CFAP44: variants seen among roughly 807,000 people sequenced by gnomAD.
CFAP44 encodes cilia and flagella associated protein 44, also known as cilia- and flagella-associated protein 44.
In CFAP44, 134 loss-of-function variants were observed where a neutral mutation model predicts 216.2. The observed-to-expected ratio is 0.62, with a 90% CI of 0.54 to 0.72. CFAP44 has a LOEUF of 0.72. Ranked by LOEUF, CFAP44 falls within the 30% of genes least tolerant of loss-of-function variation. CFAP44 has a pLI of 0.00. For missense variants in CFAP44, 2,035 were observed against 2,182.1 expected, an observed-to-expected ratio of 0.93 and a Z score of 1.34; for synonymous variants, 700 against 727.6, an observed-to-expected ratio of 0.96 and a Z score of 0.61.
intron 27 of CFAP44, 98 bp from the exon 28 acceptor site, chr3:113,326,738 T>C: frequency 4.4e-6 from 3 of 680,780 alleles, no homozygotes; most frequent in Non-Finnish European, 6.4e-6. Context: ...TTTACAAATA[T>C]ATTTTTTAAA....
chr3:113,400,740 T>C (rs749686721), intron 11 of CFAP44, 96 bp from the exon 12 acceptor site: 41 of 1,095,722 alleles, frequency 3.7e-5, no homozygotes, highest in Non-Finnish European at 5.1e-5. Flanking sequence ...ATATAACACA[T>C]GTGATTTTAT....
intron 24 of CFAP44, among the ~76,000 whole-genome samples, chr3:113,337,530 C>T (rs1299032622): frequency 6.6e-6 from 1 of 152,106 alleles, no homozygotes; most frequent in Non-Finnish European, 1.5e-5. Flanking sequence ...AGAGGAATCA[C>T]TCTACTGGAT....
intron 30 of CFAP44, among the ~76,000 whole-genome samples, 155 bp downstream of exon 30, chr3:113,306,046 C>A (rs554309842): frequency 6.6e-6 from 1 of 152,074 alleles, no homozygotes; most frequent in East Asian, 1.9e-4. Flanking sequence ...CAATGTCCCC[C>A]ACCACAATTT....
At position 113,366,201 on chromosome 3, in the gene CFAP44, G is replaced by T; in HGVS notation, c.2553C>A (p.Phe851Leu). Residue 851 changes from phenylalanine (F) to leucine (L), a missense_variant, in exon 19 of 35, where the codon TTC becomes TTA. By Grantham distance (22) the Phe-to-Leu change is conservative. Coordinates refer to ENST00000393845, the MANE Select transcript of CFAP44 (RefSeq NM_001164496.2). Reference sequence around the variant, plus strand: ...ATCCATAATTATTGTCATGCATATTGAAGTGCCAGTAGTCCACCAAACTGG... The same window carrying T: ...ATCCATAATTATTGTCATGCATATTTAAGTGCCAGTAGTCCACCAAACTGG... ...SLTSLVDYWHFNMHDNNYGCI... is the reference protein window; with the variant it reads ...SLTSLVDYWHLNMHDNNYGCI... The T allele has an allele frequency of 6.2e-7, 1 of 1,613,984 alleles. No individual in the cohort carries two copies. Among genetic ancestry groups the T allele is most frequent in the Non-Finnish European group, 8.5e-7 (1 of 1,179,966 alleles).
chr3:113,429,303 T>C (rs1935041806), intron 2 of CFAP44, among the ~76,000 whole-genome samples: 1 of 152,174 alleles, frequency 6.6e-6, no homozygotes, highest in African/African-American at 2.4e-5. Context: ...ACTAGGTGAA[T>C]ACACATTTAT....
chr3:113,304,042 G>C lies in CFAP44; in HGVS notation c.4951C>G (p.Arg1651Gly), dbSNP rs185086524. Residue 1651 changes from arginine (R) to glycine (G), a missense_variant, in exon 32 of 35, where the codon CGG becomes GGG. Physicochemically the swap from Arg to Gly is moderately radical, Grantham distance 125. Around this residue, in one of 3 missense-constraint regions of CFAP44, gnomAD observed 1,883 missense variants for 2,023.7 expected, o/e 0.93. Coordinates refer to ENST00000393845, the MANE Select transcript of CFAP44 (RefSeq NM_001164496.2). ...AGCTCATGGATTCGTTCTTGCAGCC[G>C]TCTCAAGGCATGGTTAGAGAAGACC... ...TLVFSNHALR[R>G]LQERIHELQE... 6.5e-7 allele frequency: 1 copy of C among 1,537,214 alleles called. No homozygotes were observed. The highest frequency in any genetic ancestry group is 2.0e-5 in the Admixed American group (1 of 50,986).
At position 113,400,417 on chromosome 3, in the gene CFAP44, G is replaced by A. The variant is rs558515606; in HGVS notation, c.1474+128C>T. The A allele has an allele frequency of 2.7e-5, 19 of 701,234 alleles. No homozygotes were observed. The African/African-American group carries it at 2.7e-4, about 10-fold the overall frequency. The allele number at this position is 701,234 out of a possible 1,614,324, so 43.4% of individuals were successfully genotyped here. ...GCCTCTCCTCTCCACAGCTCAACTC[G>A]CTTGCATTCAAGAGGCTCCCCTTTT... On this transcript the variant is annotated intron_variant, in intron 12 of 34. Transcript: ENST00000393845.
chr3:113,347,022 G>A (rs1214510463), intron 22 of CFAP44, among the ~76,000 whole-genome samples: 4 of 152,268 alleles, frequency 2.6e-5, no homozygotes, highest in South Asian at 4.1e-4. Context: ...ACACATCTTG[G>A]CGACCCAGAT....
At chr3:113,320,869 TG>T (rs1950140447) in intron 28 of CFAP44, among the ~76,000 whole-genome samples, 1 of 152,068 alleles carries the variant, frequency 6.6e-6, no homozygotes, top group African/African-American at 2.4e-5. Context: ...AGATTAAGGG[TG>T]GGTCTACCTT....
intron 13 of CFAP44, among the ~76,000 whole-genome samples, chr3:113,399,261 A>G (rs756791001): frequency 1.3e-5 from 2 of 152,196 alleles, no homozygotes; most frequent in Admixed American, 1.3e-4. Context: ...TGAAGCAGAG[A>G]CAATCCATCT....
At chr3:113,345,077 CTATATAT>C (rs1360702107) in intron 22 of CFAP44, among the ~76,000 whole-genome samples, 2 of 147,358 alleles carry the variant, frequency 1.4e-5, no homozygotes, top group Non-Finnish European at 1.5e-5. Flanking sequence ...ATATAATAGA[CTATATAT>C]TATATATTAT....
chr3:113,387,155 G>A (rs1292891141), intron 15 of CFAP44, among the ~76,000 whole-genome samples: 3 of 152,170 alleles, frequency 2.0e-5, no homozygotes, highest in Admixed American at 6.5e-5. Flanking sequence ...GCTGTACTGG[G>A]CTCAGAGCCA....
chr3:113,369,617 G>A (rs1376322637), intron 18 of CFAP44, among the ~76,000 whole-genome samples: 2 of 152,206 alleles, frequency 1.3e-5, no homozygotes, highest in South Asian at 2.1e-4. Context: ...ATGCCCGCAA[G>A]AGAAAGCAGG....
At chr3:113,352,591 A>C (rs1950455387) in intron 22 of CFAP44, among the ~76,000 whole-genome samples, 1 of 152,250 alleles carries the variant, frequency 6.6e-6, no homozygotes, top group African/African-American at 2.4e-5. Context: ...CAAATGGCAG[A>C]GCAGGAGAAA....
chr3:113,317,076 T>C (rs929541077), intron 28 of CFAP44, among the ~76,000 whole-genome samples: 1 of 151,916 alleles, frequency 6.6e-6, no homozygotes, highest in South Asian at 2.1e-4. Context: ...CTGAACGGGG[T>C]AACCAAACAC....
intron 26 of CFAP44, among the ~76,000 whole-genome samples, chr3:113,328,786 G>C (rs998264044): frequency 4.8e-5 from 7 of 146,826 alleles, no homozygotes. Flanking sequence ...CTATATGTTT[G>C]GGCTCCCCTT....
chr3:113,436,396 T>C (rs761449418), intron 1 of CFAP44, among the ~76,000 whole-genome samples: 5 of 152,344 alleles, frequency 3.3e-5, no homozygotes, highest in Admixed American at 6.5e-5. Flanking sequence ...TTCTTAAAAC[T>C]ATTGAGCATA....
At chr3:113,434,821 G>T (rs1433826494) in intron 1 of CFAP44, 1 of 152,174 alleles carries the variant, frequency 6.6e-6, no homozygotes, top group Non-Finnish European at 1.5e-5. Context: ...TGCTATGAGG[G>T]TTACTTAAAC....
Position 113,433,577 on chromosome 3 carries a change from A to C in CFAP44, c.88T>G (p.Ser30Ala), listed in dbSNP as rs965126415. 3 of 1,609,814 alleles carry C rather than the reference A, an allele frequency of 1.9e-6. No individual in the cohort carries two copies. In the Admixed American group the frequency reaches 5.0e-5, roughly 27 times the overall value. ...DGKKSLRSSK[S>A]ESRSPVQEDN... ...TATCTTTACTTACATCTTGATTCTG[A>C]TTTAGAAGACCTCAGAGACTTCTTC... Residue 30 changes from serine (S) to alanine (A), a missense_variant, in exon 2 of 35, where the codon TCA becomes GCA. Physicochemically the swap from Ser to Ala is moderately conservative, Grantham distance 99. Transcript: ENST00000393845.
Sources: allele counts gnomAD v4.1 joint callset (sites outside exome capture counted in the v4.1 genomes callset), GRCh38; gene constraint gnomAD v4.1.1; regional missense constraint gnomAD v4.1.1; transcripts MANE v1.5; gene names NCBI Gene and HGNC (gene_info 2026-07-23, HGNC 2026-07-21).